The following ZNF765 variants were observed in gnomAD, a reference collection of about 807,000 sequenced individuals.
ZNF765 encodes the protein zinc finger protein 765.
A neutral mutation model predicts 44.7 loss-of-function variants in ZNF765; 37 were observed. The observed-to-expected ratio is 0.83, with a 90% confidence interval of 0.64 to 1.09. ZNF765 has a LOEUF of 1.09. Among genes scored for constraint, ZNF765 ranks in the 50% least tolerant of loss-of-function variants. The probability of loss-of-function intolerance (pLI) is 0.00; values close to 1 mark genes in which losing one functional copy is unlikely to be tolerated. For synonymous variants in ZNF765, 201 were observed against 213.7 expected (o/e 0.94, Z 0.52); for missense variants, 594 against 626.1 (o/e 0.95, Z 0.55).
At chr19:53,400,856 TG>T (rs1203778332) in intron 2 of ZNF765, among the ~76,000 whole-genome samples, 2 of 151,142 alleles carry the variant, frequency 1.3e-5, no homozygotes, top group Non-Finnish European at 2.9e-5. Context: ...GTTTTGAGAC[TG>T]GGTCTTACTG....
intron 2 of ZNF765, among the ~76,000 whole-genome samples, chr19:53,401,121 C>T (rs552609363): frequency 1.8e-4 from 27 of 152,210 alleles, no homozygotes; most frequent in African/African-American, 6.5e-4. Context: ...CTGCATCAGC[C>T]TCCCAGGTAG....
intron 3 of ZNF765, among the ~76,000 whole-genome samples, chr19:53,406,241 G>A (rs189434653): frequency 1.4e-4 from 21 of 151,646 alleles, no homozygotes; most frequent in African/African-American, 3.6e-4. Context: ...ATGTTGGCCA[G>A]GCTACTCTTG....
chr19:53,400,577 C>G (rs2085714147), intron 2 of ZNF765, among the ~76,000 whole-genome samples: 2 of 151,820 alleles, frequency 1.3e-5, no homozygotes, highest in African/African-American at 4.8e-5. Context: ...ATTTTTAAAG[C>G]CTTTATATGT....
At chr19:53,396,849 A>G (rs1412288225) in intron 1 of ZNF765, among the ~76,000 whole-genome samples, 1 of 152,352 alleles carries the variant, frequency 6.6e-6, no homozygotes, top group Middle Eastern at 3.4e-3. Flanking sequence ...AAGCACCACT[A>G]TTACTGGATT....
At chr19:53,402,217 T>C (rs1413521104) in intron 3 of ZNF765, 26 bp downstream of exon 3, 30 of 1,596,686 alleles carry the variant, frequency 1.9e-5, no homozygotes, top group Non-Finnish European at 2.6e-5. Flanking sequence ...CTCCTGGGGA[T>C]GTGCCCTTGC....
chr19:53,423,014 G>C (rs531519688), intron 3 of ZNF765: 2 of 696,884 alleles, frequency 2.9e-6, no homozygotes, highest in African/African-American at 3.5e-5. Context: ...TTGGGTTTAG[G>C]CATTTCCGGA....
intron 2 of ZNF765, among the ~76,000 whole-genome samples, chr19:53,401,382 T>C (rs1216189305): frequency 6.6e-6 from 1 of 151,524 alleles, no homozygotes; most frequent in East Asian, 1.9e-4. Flanking sequence ...GCTAACACGG[T>C]GAAACCCCGT....
At position 53,405,320 on chromosome 19, in the gene ZNF765, C is replaced by T. The variant is rs118167194; in HGVS notation, c.143-2378C>T. ...TGAGCCAAGATTGCCCCACTACACTCCAGTCCAGGCAACAAAGTAAGACTC... is the reference window on the plus strand; with the variant it reads ...TGAGCCAAGATTGCCCCACTACACTTCAGTCCAGGCAACAAAGTAAGACTC... On this transcript the variant is annotated intron_variant, in intron 3 of 3. Transcript: ENST00000396408. Among the ~76,000 whole-genome samples, 1,473 of 152,248 alleles carry T rather than the reference C, an allele frequency of 9.7e-3. 5 individuals are homozygous for T. Among genetic ancestry groups the T allele is most frequent in the Non-Finnish European group, 0.016 (1,075 of 68,020 alleles).
At chr19:53,402,568 C>A (rs2085738180) in intron 3 of ZNF765, among the ~76,000 whole-genome samples, 1 of 151,864 alleles carries the variant, frequency 6.6e-6, no homozygotes, top group Non-Finnish European at 1.5e-5. Flanking sequence ...CCTATATTTT[C>A]TCTTGTTTTT....
At chr19:53,398,178 G>T in intron 2 of ZNF765, 148 bp downstream of exon 2, 2 of 1,484,118 alleles carry the variant, frequency 1.3e-6, no homozygotes, top group African/African-American at 1.4e-5. Context: ...CTCTTATCTT[G>T]CTTAGATTCC....
At chr19:53,412,647 T>C (rs546539946), downstream of ZNF765, among the ~76,000 whole-genome samples, 5 of 152,208 alleles carry the variant, frequency 3.3e-5, no homozygotes, top group South Asian at 8.3e-4. Context: ...AAACATCAAA[T>C]TTATGATGAG....
chr19:53,412,930 T>C (rs1600062622), downstream of ZNF765, among the ~76,000 whole-genome samples: 1 of 151,294 alleles, frequency 6.6e-6, no homozygotes, highest in African/African-American at 2.4e-5. Flanking sequence ...GTTAACATGG[T>C]GAAACCCCGT....
chr19:53,415,489 T>A (rs140215030), downstream of ZNF765, among the ~76,000 whole-genome samples: 1,583 of 152,314 alleles, frequency 0.01, 5 homozygotes, highest in Non-Finnish European at 0.016. Flanking sequence ...CACCTCAAAC[T>A]GGTGAAAATT....
Position 53,409,065 on chromosome 19 carries a change from A to G in ZNF765, c.1510A>G (p.Ser504Gly). 2 of 1,613,804 alleles carry G rather than the reference A, an allele frequency of 1.2e-6. No homozygotes were observed. The highest frequency in any genetic ancestry group is 1.1e-5 in the South Asian group (1 of 91,068). Residue 504 changes from serine to glycine, a missense_variant, in exon 4 of 4, where the codon AGT becomes GGT. This residue lies in a region of ZNF765 where 567 missense variants were observed against 572.6 expected (regional missense o/e 0.99). Coordinates refer to ENST00000396408, the MANE Select transcript of ZNF765 (RefSeq NM_001040185.3). ...YKCEDCDEAF[S>G]FKSNLERHRR... ...ATGTGAAGATTGTGATGAAGCTTTC[A>G]GTTTCAAATCAAACCTTGAAAGACA... is the stretch of plus-strand genomic sequence containing the variant.
Position 53,410,043 on chromosome 19 carries a change from T to C in ZNF765, c.*916T>C, listed in dbSNP as rs192132549. 1 of 481,306 alleles carries C rather than the reference T, an allele frequency of 2.1e-6. No homozygotes were observed. Among genetic ancestry groups the C allele is most frequent in the East Asian group, 6.1e-5 (1 of 16,448 alleles). The allele number at this position is 481,306 out of a possible 1,614,324, so 29.8% of individuals were successfully genotyped here. On this transcript the variant is annotated 3_prime_UTR_variant, in exon 4 of 4. Coordinates refer to ENST00000396408, the MANE Select transcript of ZNF765 (RefSeq NM_001040185.3). The stretch of plus-strand genomic sequence containing the variant: ...ATAAATGCAGAAAATTTTTCAGACA[T>C]CCTTCATACCTTTGCAGTTCATGGG...
chr19:53,396,332 G>GACC, intron 1 of ZNF765, among the ~76,000 whole-genome samples: 1 of 152,314 alleles, frequency 6.6e-6, no homozygotes. Flanking sequence ...GTACTAGAGA[G>GACC]ACCGGTATGC....
Position 53,410,955 on chromosome 19 carries a change from C to G in ZNF765, c.*1828C>G. On this transcript the variant is annotated 3_prime_UTR_variant, in exon 4 of 4. Transcript: ENST00000396408. Reference sequence around the variant, plus strand: ...TCATCAGTGTGCCAAAGTCTTCAGTCTGAGCTCACTCCTTGCAGGATATCA... The same window carrying G: ...TCATCAGTGTGCCAAAGTCTTCAGTGTGAGCTCACTCCTTGCAGGATATCA... 2.5e-6 allele frequency: 1 copy of G among 401,208 alleles called. No homozygotes were observed. The highest frequency in any genetic ancestry group is 2.0e-5 in the South Asian group (1 of 50,554). 24.9% of individuals were successfully genotyped at this position (401,208 alleles called of 1,614,324 possible).
intron 3 of ZNF765, among the ~76,000 whole-genome samples, chr19:53,405,951 A>ATATAAAT (rs1555832244): frequency 8.4e-6 from 1 of 118,354 alleles, no homozygotes; most frequent in Non-Finnish European, 1.7e-5. Flanking sequence ...ATATATATAT[A>ATATAAAT]AAATTGCTGT....
At chr19:53,420,054 C>T (rs537075256) in intron 3 of ZNF765, among the ~76,000 whole-genome samples, 1 of 149,508 alleles carries the variant, frequency 6.7e-6, no homozygotes, top group Non-Finnish European at 1.5e-5. Flanking sequence ...ATAAATGTGG[C>T]CGGGTGCAGT....
Sources: allele counts gnomAD v4.1 joint callset (sites outside exome capture counted in the v4.1 genomes callset), GRCh38; gene constraint gnomAD v4.1.1; regional missense constraint gnomAD v4.1.1; transcripts MANE v1.5; gene names NCBI Gene and HGNC (gene_info 2026-07-23, HGNC 2026-07-21).